Variants in UTRN observed in about 807,000 individuals in gnomAD.
UTRN encodes the protein utrophin.
A neutral mutation model predicts 463.9 loss-of-function variants in UTRN; 283 were observed. The ratio of observed to expected loss-of-function variants is 0.61; its 90% confidence interval spans 0.55 to 0.67. UTRN has a LOEUF of 0.67. Among genes scored for constraint, UTRN ranks in the 30% least tolerant of loss-of-function variants. The probability of loss-of-function intolerance (pLI) is 0.00; values close to 1 mark genes in which losing one functional copy is unlikely to be tolerated. For synonymous variants in UTRN, 1,442 were observed against 1,431.5 expected, an observed-to-expected ratio of 1.01 and a Z score of -0.17; for missense variants, 3,922 against 4,084.3, an observed-to-expected ratio of 0.96 and a Z score of 1.08.
chr6:144,509,435 A>C (rs1161722439), intron 34 of UTRN, among the ~76,000 whole-genome samples: 1 of 151,982 alleles, frequency 6.6e-6, no homozygotes, highest in Non-Finnish European at 1.5e-5. Flanking sequence ...TAGCTTTTTT[A>C]GGTAAAGACT....
chr6:144,533,132 A>T lies in UTRN; in HGVS notation c.6105A>T (p.Leu2035=). The part of the protein sequence containing the change: ...ISSHQPSFAA[L]NRTGDGIVQK... ...GCCACCAGCCCAGTTTTGCAGCACT[A>T]AACCGAACTGGGGATGGGATTGTGC... Residue 2035 remains leucine (L), a synonymous_variant, in exon 43 of 75, where the codon CTA becomes CTT. Coordinates refer to ENST00000367545, the MANE Select transcript of UTRN (RefSeq NM_007124.3). 1 of 1,614,080 alleles carries T rather than the reference A, an allele frequency of 6.2e-7. No homozygotes were observed. The highest frequency in any genetic ancestry group is 2.2e-5 in the East Asian group (1 of 44,874).
intron 54 of UTRN, among the ~76,000 whole-genome samples, chr6:144,746,413 G>A (rs747935439): frequency 3.9e-5 from 6 of 152,146 alleles, no homozygotes; most frequent in Non-Finnish European, 5.9e-5. Context: ...CATGTTGCAT[G>A]TTTTAGGGCT....
At chr6:144,421,441 G>C (rs533469130) in intron 3 of UTRN, among the ~76,000 whole-genome samples, 2 of 152,118 alleles carry the variant, frequency 1.3e-5, no homozygotes, top group African/African-American at 4.8e-5. Context: ...TGTAATCCCA[G>C]CACTTTGGGA....
intron 23 of UTRN, 103 bp from the exon 24 acceptor site, chr6:144,473,617 C>T (rs951557945): frequency 2.1e-5 from 15 of 700,290 alleles, no homozygotes; most frequent in South Asian, 9.4e-5. Context: ...GCGATGCTAT[C>T]GGAGCTTTAA....
chr6:144,672,144 T>G (rs1193293642), intron 51 of UTRN, among the ~76,000 whole-genome samples: 2 of 152,110 alleles, frequency 1.3e-5, no homozygotes, highest in African/African-American at 4.8e-5. Context: ...CTTTTCTGGT[T>G]TTGGTATCAG....
chr6:144,677,771 C>T (rs1781792554), intron 51 of UTRN, among the ~76,000 whole-genome samples: 1 of 152,138 alleles, frequency 6.6e-6, no homozygotes, highest in Non-Finnish European at 1.5e-5. Flanking sequence ...TCCTCGCCAG[C>T]ACCTGTTGTG....
At chr6:144,814,455 C>T (rs1323511680) in intron 65 of UTRN, among the ~76,000 whole-genome samples, 1 of 152,086 alleles carries the variant, frequency 6.6e-6, no homozygotes, top group Non-Finnish European at 1.5e-5. Context: ...ATTGTAAATA[C>T]CACACAAAAG....
In UTRN at chr6:144,508,000, GC is replaced by G. The variant is rs759058997; in HGVS notation, c.4765-2941del. 1.1e-4 allele frequency among the ~76,000 whole-genome samples: 17 copies of G among 152,266 alleles called. No homozygotes were observed. In the South Asian group the frequency reaches 1.2e-3, roughly 11 times the overall value. Reference sequence around the variant, plus strand: ...GCTTTTCTGAGCTGTGGTGGGTTCTGCCCAGTTTGAACTTCCTGGAGGCTTT... The same window carrying G: ...GCTTTTCTGAGCTGTGGTGGGTTCTGCCAGTTTGAACTTCCTGGAGGCTTT... On this transcript the variant is annotated intron_variant, in intron 34 of 74. Transcript: ENST00000367545.
intron 34 of UTRN, among the ~76,000 whole-genome samples, chr6:144,506,299 C>T (rs1023142968): frequency 6.6e-6 from 1 of 152,074 alleles, no homozygotes; most frequent in African/African-American, 2.4e-5. Flanking sequence ...TTGATCCTGT[C>T]ATTATGATGT....
chr6:144,841,721 A>G (rs772917051), intron 73 of UTRN, among the ~76,000 whole-genome samples: 1 of 152,180 alleles, frequency 6.6e-6, no homozygotes, highest in Non-Finnish European at 1.5e-5. Flanking sequence ...AGAGAGATTT[A>G]CTCTCAAACT....
chr6:144,652,697 T>A (rs975599542), intron 51 of UTRN, among the ~76,000 whole-genome samples: 1 of 152,228 alleles, frequency 6.6e-6, no homozygotes, highest in African/African-American at 2.4e-5. Flanking sequence ...TAATGCCTGT[T>A]TAGACACAAA....
At chr6:144,832,036 T>C (rs1780715678) in intron 69 of UTRN, among the ~76,000 whole-genome samples, 1 of 152,268 alleles carries the variant, frequency 6.6e-6, no homozygotes, top group Non-Finnish European at 1.5e-5. Context: ...AACTGTAGTA[T>C]AATTATATTC....
intron 51 of UTRN, among the ~76,000 whole-genome samples, chr6:144,631,242 GT>G (rs1585670960): frequency 2.4e-5 from 2 of 81,716 alleles, no homozygotes; most frequent in East Asian, 4.9e-3. Context: ...AGAGAGGTGT[GT>G]GTGTGTGTGT....
intron 2 of UTRN, among the ~76,000 whole-genome samples, chr6:144,319,999 A>G (rs997038152): frequency 1.3e-5 from 2 of 152,032 alleles, no homozygotes; most frequent in Non-Finnish European, 2.9e-5. Flanking sequence ...GATTACAGGC[A>G]CGTGCCACCA....
At position 144,531,142 on chromosome 6, in the gene UTRN, G is replaced by A; in HGVS notation, c.5997G>A (p.Leu1999=). The change falls in exon 42 of 75, where the codon CTG becomes CTA. Residue 1999 remains leucine (L), a synonymous_variant. Transcript: ENST00000367545. ...GGATAACAGAGGCTGAAGAATTACT[G>A]GTTGATACCTGTGCTCCAGGTGGCA... ...TQWITEAEEL[L]VDTCAPGGSL... is the part of the protein sequence containing the mutation. 6.2e-7 allele frequency: 1 copy of A among 1,613,994 alleles called. No individual in the cohort carries two copies. The highest frequency in any genetic ancestry group is 1.1e-5 in the South Asian group (1 of 91,066).
chr6:144,415,180 A>G (rs760030409), intron 3 of UTRN, among the ~76,000 whole-genome samples: 3 of 152,194 alleles, frequency 2.0e-5, no homozygotes, highest in Non-Finnish European at 4.4e-5. Flanking sequence ...ATTGTAGGCT[A>G]TTCCATCTCG....
chr6:144,464,061 AAT>A (rs1789689577), intron 23 of UTRN, among the ~76,000 whole-genome samples: 1 of 152,032 alleles, frequency 6.6e-6, no homozygotes, highest in African/African-American at 2.4e-5. Flanking sequence ...TCTAGATCTA[AAT>A]ATATATAGAT....
intron 34 of UTRN, among the ~76,000 whole-genome samples, chr6:144,499,852 G>A (rs1004176956): frequency 1.3e-5 from 2 of 152,152 alleles, no homozygotes; most frequent in Non-Finnish European, 2.9e-5. Context: ...CCACTTGTAA[G>A]CGAGAACGTG....
rs1562575548 is a variant in UTRN at position 144,561,208 on chromosome 6, TATATATATATATATATATATATA to T, written c.7289+3898_7289+3920del. Among the ~76,000 whole-genome samples the T allele has an allele frequency of 2.1e-3, 7 of 3,344 alleles. 1 individual carries two copies. The highest frequency in any genetic ancestry group is 3.2e-3 in the African/African-American group (6 of 1,848). 2.2% of individuals were successfully genotyped at this position (3,344 alleles called of 152,430 possible). A position where few individuals can be genotyped will look rare whatever the true frequency, so the allele number is the denominator to read the frequency against. On this transcript the variant is annotated intron_variant, in intron 50 of 74. Transcript: ENST00000367545. Reference sequence around the variant, plus strand: ...GCACTCCAGGGCAAAAATAACATTATATATATATATATATATATATATATATATATATATATATATATATATAT... The same window carrying T: ...GCACTCCAGGGCAAAAATAACATTATTATATATATATATATATATATATAT...
Sources: allele counts gnomAD v4.1 joint callset (sites outside exome capture counted in the v4.1 genomes callset), GRCh38; gene constraint gnomAD v4.1.1; transcripts MANE v1.5; gene names NCBI Gene and HGNC (gene_info 2026-07-23, HGNC 2026-07-21).